Variants in TNIK observed in about 807,000 individuals in gnomAD.
The protein encoded by TNIK is TRAF2 and NCK interacting kinase, also known as TRAF2 and NCK-interacting protein kinase.
TNIK carries 49 observed loss-of-function variants against 191.3 expected under a neutral mutation model. The ratio of observed to expected loss-of-function variants is 0.26; its 90% CI spans 0.20 to 0.32. The LOEUF is 0.32. TNIK is among the 10% of genes least tolerant of loss of function. The pLI is 1.00. For missense variants in TNIK, 1,155 were observed against 1,702.3 expected (o/e 0.68, Z 5.66); for synonymous variants, 594 against 600.9 (o/e 0.99, Z 0.17).
At chr3:171,241,932 C>T (rs972465193) in intron 2 of TNIK, among the ~76,000 whole-genome samples, 4 of 151,928 alleles carry the variant, frequency 2.6e-5, no homozygotes, top group Non-Finnish European at 5.9e-5. Flanking sequence ...AAACCAAACA[C>T]CACATGTTCT....
At chr3:171,221,245 A>G (rs147206955) in intron 3 of TNIK, among the ~76,000 whole-genome samples, 20 of 152,316 alleles carry the variant, frequency 1.3e-4, no homozygotes, top group African/African-American at 4.8e-4. Flanking sequence ...AAAGACATCT[A>G]CATAAATGGC....
At chr3:171,236,931 G>A (rs141983893) in intron 2 of TNIK, among the ~76,000 whole-genome samples, 6 of 152,254 alleles carry the variant, frequency 3.9e-5, no homozygotes, top group African/African-American at 1.4e-4. Flanking sequence ...CGATAGGCTG[G>A]GGGTTGGGGG....
Position 171,131,805 on chromosome 3 carries a change from G to A in TNIK, c.1609-2927C>T, listed in dbSNP as rs375875235. ...AGGATCAAATCAAACATTGGAAGTG[G>A]CACTTCTCCTAATAATACCTTCAGA... On this transcript the variant is annotated intron_variant, in intron 15 of 32. Coordinates refer to ENST00000436636, the MANE Select transcript of TNIK (RefSeq NM_015028.4). 7.2e-5 allele frequency among the ~76,000 whole-genome samples: 11 copies of A among 152,288 alleles called. No homozygotes were observed. The South Asian group carries it at 2.3e-3, about 32-fold the overall frequency.
At chr3:171,262,003 C>A (rs1482683087) in intron 2 of TNIK, among the ~76,000 whole-genome samples, 1 of 152,174 alleles carries the variant, frequency 6.6e-6, no homozygotes, top group African/African-American at 2.4e-5. Context: ...TATTTATAAC[C>A]TTTTCAATCC....
chr3:171,319,999 C>T (rs562500724), intron 2 of TNIK, among the ~76,000 whole-genome samples: 3 of 152,230 alleles, frequency 2.0e-5, no homozygotes, highest in South Asian at 2.1e-4. Flanking sequence ...ACCCCGAAAG[C>T]GTAGGAGAGG....
chr3:171,447,044 A>G (rs1727594626), intron 1 of TNIK, among the ~76,000 whole-genome samples: 5 of 152,140 alleles, frequency 3.3e-5, no homozygotes. Flanking sequence ...TACAAAAATT[A>G]GTTGGGCGTG....
chr3:171,402,983 A>G (rs1273143678), intron 1 of TNIK, among the ~76,000 whole-genome samples: 1 of 152,234 alleles, frequency 6.6e-6, no homozygotes, highest in Non-Finnish European at 1.5e-5. Context: ...GCACTGTCTA[A>G]AAGTTTTCCT....
At chr3:171,201,546 T>C (rs1686278772) in intron 4 of TNIK, among the ~76,000 whole-genome samples, 1 of 152,188 alleles carries the variant, frequency 6.6e-6, no homozygotes, top group South Asian at 2.1e-4. Context: ...ACCACAGATC[T>C]CATCTGCATG....
At chr3:171,071,454 A>T in intron 28 of TNIK, 131 bp from the exon 29 acceptor site, 1 of 735,168 alleles carries the variant, frequency 1.4e-6, no homozygotes, top group Non-Finnish European at 2.1e-6. Context: ...CATGAAGGTG[A>T]TATTCCTGGT....
rs984458667 is a variant in TNIK at position 171,159,448 on chromosome 3, C to T, written c.1017-1784G>A. ...ACTGCCATGAAAAGACATAAAAAGG[C>T]TTTGTTCGTGATGTTCCATAGACAA... On this transcript the variant is annotated intron_variant, in intron 11 of 32. Transcript: ENST00000436636. This position sits in a 1 kb window ranked among gnomAD's most constrained non-coding sequence, Gnocchi z 4.1. Among the ~76,000 whole-genome samples, 1 of 152,100 alleles carries T rather than the reference C, an allele frequency of 6.6e-6. No homozygotes were observed.
intron 1 of TNIK, among the ~76,000 whole-genome samples, chr3:171,424,886 T>C (rs1724340439): frequency 6.7e-6 from 1 of 149,900 alleles, no homozygotes; most frequent in Non-Finnish European, 1.5e-5. Context: ...TAATGTTAAA[T>C]GACAAGTTAA....
At chr3:171,315,614 G>T (rs1219706323) in intron 2 of TNIK, among the ~76,000 whole-genome samples, 1 of 152,122 alleles carries the variant, frequency 6.6e-6, no homozygotes, top group Non-Finnish European at 1.5e-5. Context: ...AGGTGTCAAG[G>T]TGTCATTGGG....
intron 2 of TNIK, among the ~76,000 whole-genome samples, chr3:171,293,019 T>A (rs1751863420): frequency 6.6e-6 from 1 of 152,156 alleles, no homozygotes; most frequent in African/African-American, 2.4e-5. Context: ...AAGTCCTTTT[T>A]TCCAGGTGCC....
intron 1 of TNIK, among the ~76,000 whole-genome samples, chr3:171,454,221 G>C (rs558954967): frequency 6.6e-6 from 1 of 152,164 alleles, no homozygotes; most frequent in Non-Finnish European, 1.5e-5. Context: ...TGGCGGCCAT[G>C]ATTCAATCAC....
intron 12 of TNIK, among the ~76,000 whole-genome samples, chr3:171,145,413 C>A (rs1731425215): frequency 6.6e-6 from 1 of 152,108 alleles, no homozygotes; most frequent in Non-Finnish European, 1.5e-5. Context: ...ACACAGACTT[C>A]CCTTCCTCTG....
At chr3:171,407,105 T>C (rs546475003) in intron 1 of TNIK, among the ~76,000 whole-genome samples, 1 of 152,100 alleles carries the variant, frequency 6.6e-6, no homozygotes, top group East Asian at 1.9e-4. Context: ...AGCTGGGGAC[T>C]GGGGTCCGGT....
intron 2 of TNIK, among the ~76,000 whole-genome samples, chr3:171,353,317 T>C (rs1015378704): frequency 6.6e-6 from 1 of 152,178 alleles, no homozygotes; most frequent in Non-Finnish European, 1.5e-5. Context: ...CTCCAGGTTG[T>C]GCCACTTACT....
chr3:171,063,929 G>C lies in TNIK; in HGVS notation c.4035C>G (p.Ser1345Arg). The change falls in exon 33 of 33, where the codon AGC (serine) becomes AGG (arginine). Residue 1345 changes from serine to arginine, a missense_variant. Ser to Arg is a moderately radical substitution (Grantham distance 110). This residue lies in a region of TNIK where 195 missense variants were observed against 415.4 expected (regional missense o/e 0.47). Coordinates refer to ENST00000436636, the MANE Select transcript of TNIK (RefSeq NM_015028.4). ...TGTTGAGGGTCATGAAAAACACTTG[G>C]CTACTTCCTCCAGATCGCACGGATG... is the stretch of plus-strand genomic sequence containing the variant. The part of the protein sequence containing the change: ...FFASVRSGGS[S>R]QVFFMTLNRN... 2.5e-6 allele frequency: 4 copies of C among 1,613,716 alleles called. No homozygotes were observed. The highest frequency in any genetic ancestry group is 3.4e-6 in the Non-Finnish European group (4 of 1,179,736).
intron 15 of TNIK, among the ~76,000 whole-genome samples, chr3:171,129,797 G>A (rs766218361): frequency 3.9e-5 from 6 of 152,200 alleles, no homozygotes; most frequent in Non-Finnish European, 8.8e-5. Context: ...ATTTACAGCA[G>A]AAAGACTGCC....
Sources: gnomAD v4.1 joint callset for allele counts (sites outside exome capture counted in the v4.1 genomes callset) on GRCh38, gnomAD v4.1.1 for gene constraint, gnomAD v4.1.1 regional missense constraint, Gnocchi (gnomAD v3.1) non-coding constraint, MANE v1.5 for transcripts, NCBI Gene and HGNC (gene_info 2026-07-23, HGNC 2026-07-21) for gene names.